The following SORCS3 variants were observed in gnomAD, a reference collection of about 807,000 sequenced individuals.
The protein encoded by SORCS3 is VPS10 domain-containing receptor SorCS3.
In SORCS3, 57 loss-of-function variants were observed where a neutral mutation model predicts 146.3. The observed-to-expected ratio is 0.39, with a 90% confidence interval of 0.31 to 0.49. The LOEUF is 0.49. Among genes scored for constraint, SORCS3 ranks in the 20% least tolerant of loss-of-function variants. The pLI is 0.92. For synonymous variants in SORCS3, 653 were observed against 618.5 expected (o/e 1.06, Z -0.83); for missense variants, 1,341 against 1,575.5 (o/e 0.85, Z 2.52).
chr10:104,780,244 C>T (rs74439746), intron 1 of SORCS3, among the ~76,000 whole-genome samples: 6,970 of 151,588 alleles, frequency 0.046, 465 homozygotes, highest in African/African-American at 0.15. Flanking sequence ...ACACGTTCAG[C>T]GGCATCTGTG....
intron 1 of SORCS3, among the ~76,000 whole-genome samples, chr10:104,693,760 T>C (rs1009046195): frequency 6.6e-6 from 1 of 152,148 alleles, no homozygotes; most frequent in Non-Finnish European, 1.5e-5. Flanking sequence ...CAAGATTTGC[T>C]GTCAGTCCCT....
chr10:104,682,982 TG>T (rs2015997527), intron 1 of SORCS3, among the ~76,000 whole-genome samples: 1 of 152,186 alleles, frequency 6.6e-6, no homozygotes, highest in Non-Finnish European at 1.5e-5. Flanking sequence ...ATGGCCATTG[TG>T]GGGGCCATTG....
chr10:104,979,581 G>C (rs1162166314), intron 4 of SORCS3, among the ~76,000 whole-genome samples: 1 of 152,090 alleles, frequency 6.6e-6, no homozygotes, highest in Non-Finnish European at 1.5e-5. Context: ...GTGTGTGTGT[G>C]TGCATGCGAT....
intron 11 of SORCS3, among the ~76,000 whole-genome samples, chr10:105,159,582 G>A (rs533589542): frequency 2.6e-4 from 39 of 152,324 alleles, no homozygotes; most frequent in African/African-American, 9.4e-4. Flanking sequence ...AGTCTCCGGG[G>A]AGTATGCTCT....
In SORCS3 at chr10:104,696,580, AAT is replaced by A. The variant is rs1554844557; in HGVS notation, c.627+54633_627+54634del. Among the ~76,000 whole-genome samples, 13 of 59,100 alleles carry A rather than the reference AAT, an allele frequency of 2.2e-4. 1 individual carries two copies. Among genetic ancestry groups the A allele is most frequent in the East Asian group, 8.4e-4 (2 of 2,384 alleles). 38.8% of individuals were successfully genotyped at this position (59,100 alleles called of 152,430 possible). A position where few individuals can be genotyped will look rare whatever the true frequency, so the allele number is the denominator to read the frequency against. ...TATATAATATACGTATATAATATAT[AAT>A]ATATATTATATACGTATATATTATA... On this transcript the variant is annotated intron_variant, in intron 1 of 26. Transcript: ENST00000369701.
At chr10:105,208,165 A>G (rs1342017238) in intron 16 of SORCS3, among the ~76,000 whole-genome samples, 2 of 151,952 alleles carry the variant, frequency 1.3e-5, no homozygotes, top group African/African-American at 4.8e-5. Flanking sequence ...AAACGGCAAA[A>G]CCCCGTCTCT....
At chr10:105,040,811 A>G (rs926286615) in intron 4 of SORCS3, among the ~76,000 whole-genome samples, 1 of 151,990 alleles carries the variant, frequency 6.6e-6, no homozygotes, top group African/African-American at 2.4e-5. Context: ...CTGAGAGCCC[A>G]GTTTAGATAA....
At chr10:105,179,277 T>C (rs576729138) in intron 14 of SORCS3, among the ~76,000 whole-genome samples, 1 of 152,296 alleles carries the variant, frequency 6.6e-6, no homozygotes, top group Non-Finnish European at 1.5e-5. Flanking sequence ...AGGCCACAGC[T>C]TAAGTTCTGT....
chr10:104,976,007 A>T (rs1258975371), intron 3 of SORCS3, among the ~76,000 whole-genome samples: 1 of 152,046 alleles, frequency 6.6e-6, no homozygotes, highest in Non-Finnish European at 1.5e-5. Flanking sequence ...ATGGGCAAGG[A>T]CTTCATGTCT....
chr10:104,696,062 T>TATATATAATATATCATATACACATATA (rs2016176888), intron 1 of SORCS3, among the ~76,000 whole-genome samples: 1 of 75,694 alleles, frequency 1.3e-5, no homozygotes, highest in African/African-American at 5.5e-5. Flanking sequence ...ATACACATAT[T>TATATATAATATATCATATACACATATA]ATATATAATA....
Position 104,641,303 on chromosome 10 carries a change from C to T in SORCS3, c.-25C>T. The T allele has an allele frequency of 7.8e-7, 1 of 1,274,554 alleles. No individual in the cohort carries two copies. Among genetic ancestry groups the T allele is most frequent in the Non-Finnish European group, 9.9e-7 (1 of 1,013,764 alleles). 79.0% of individuals were successfully genotyped at this position (1,274,554 alleles called of 1,614,324 possible). On this transcript the variant is annotated 5_prime_UTR_variant, in exon 1 of 27. Transcript: ENST00000369701. The surrounding 1 kb of genome is among the most constrained non-coding windows in gnomAD (Gnocchi z 6.4). ...TCGGCGGGCGCCACACACTCGGCAG[C>T]CCGAGCCGCGGTAGCCGCAGCGGGA... is the stretch of plus-strand genomic sequence containing the variant.
chr10:105,232,448 G>A (rs903975933), intron 20 of SORCS3, among the ~76,000 whole-genome samples: 3 of 151,830 alleles, frequency 2.0e-5, no homozygotes, highest in Non-Finnish European at 4.4e-5. Flanking sequence ...AATTAGCCTG[G>A]CCAGAGGCTT....
At chr10:105,066,893 T>C (rs1431300889) in intron 5 of SORCS3, among the ~76,000 whole-genome samples, 1 of 152,176 alleles carries the variant, frequency 6.6e-6, no homozygotes, top group Non-Finnish European at 1.5e-5. Flanking sequence ...AAGACGTAAA[T>C]GTACCAGCTT....
intron 6 of SORCS3, among the ~76,000 whole-genome samples, chr10:105,102,356 G>C (rs1047705373): frequency 6.6e-6 from 1 of 152,136 alleles, no homozygotes; most frequent in Non-Finnish European, 1.5e-5. Context: ...CCATAAAAAA[G>C]AATGAGATCA....
intron 1 of SORCS3, among the ~76,000 whole-genome samples, chr10:104,775,104 G>T (rs2017293929): frequency 6.6e-6 from 1 of 152,190 alleles, no homozygotes; most frequent in African/African-American, 2.4e-5. Context: ...TTTATTGAGT[G>T]TTCACCCTTG....
chr10:104,891,094 C>A (rs933086372), intron 2 of SORCS3, among the ~76,000 whole-genome samples: 6 of 152,142 alleles, frequency 3.9e-5, no homozygotes, highest in Non-Finnish European at 8.8e-5. Context: ...CAGTTGAATT[C>A]TTACACGTGT....
intron 1 of SORCS3, among the ~76,000 whole-genome samples, chr10:104,715,752 C>T (rs887979776): frequency 6.6e-6 from 1 of 152,116 alleles, no homozygotes; most frequent in Non-Finnish European, 1.5e-5. Flanking sequence ...TTCTTATCAC[C>T]TCCACTGGTA....
chr10:105,249,529 C>T (rs1036380544), intron 22 of SORCS3, among the ~76,000 whole-genome samples: 3 of 152,124 alleles, frequency 2.0e-5, no homozygotes, highest in East Asian at 3.9e-4. Flanking sequence ...CTGTATGGAG[C>T]GGTCTGTAAG....
At chr10:104,872,689 A>G (rs932490863) in intron 2 of SORCS3, among the ~76,000 whole-genome samples, 2 of 151,942 alleles carry the variant, frequency 1.3e-5, no homozygotes, top group African/African-American at 4.8e-5. Flanking sequence ...TCTTGCAATG[A>G]TATCTCCTCT....
Sources: allele counts gnomAD v4.1 joint callset (sites outside exome capture counted in the v4.1 genomes callset), GRCh38; gene constraint gnomAD v4.1.1; non-coding constraint Gnocchi (gnomAD v3.1); transcripts MANE v1.5; gene names NCBI Gene and HGNC (gene_info 2026-07-23, HGNC 2026-07-21).